Variants in GRID2 observed in about 807,000 individuals in gnomAD.
GRID2 encodes the protein glutamate ionotropic receptor delta type subunit 2, also known as glutamate receptor ionotropic, delta-2.
In GRID2, 33 loss-of-function variants were observed where a neutral mutation model predicts 114.8. The ratio of observed to expected loss-of-function variants is 0.29; its 90% CI spans 0.22 to 0.38. The LOEUF (loss-of-function observed/expected upper bound fraction) is 0.38, where lower values mean the gene tolerates loss of function less well. Ranked by LOEUF, GRID2 falls within the 10% of genes least tolerant of loss-of-function variation. The probability of loss-of-function intolerance (pLI) is 1.00; values close to 1 mark genes in which losing one functional copy is unlikely to be tolerated. For synonymous variants in GRID2, 505 were observed against 449.9 expected (o/e 1.12, Z -1.55); for missense variants, 1,184 against 1,257.7 (o/e 0.94, Z 0.89).
intron 2 of GRID2, among the ~76,000 whole-genome samples, chr4:93,070,019 T>C (rs1040265910): frequency 1.3e-5 from 2 of 152,138 alleles, no homozygotes; most frequent in African/African-American, 4.8e-5. Context: ...TCTGTTAGCC[T>C]AGTGTTTTGA....
chr4:93,606,966 A>C (rs965222712), intron 13 of GRID2, among the ~76,000 whole-genome samples: 4 of 152,184 alleles, frequency 2.6e-5, no homozygotes, highest in African/African-American at 9.6e-5. Flanking sequence ...ACTATGTATA[A>C]ATTAGGCCTT....
At chr4:93,332,824 C>T (rs962602271) in intron 8 of GRID2, among the ~76,000 whole-genome samples, 6 of 152,068 alleles carry the variant, frequency 3.9e-5, no homozygotes, top group African/African-American at 7.2e-5. Flanking sequence ...CCTAATGAGA[C>T]GCCTTTCTTT....
chr4:93,134,777 G>A (rs552065363), intron 4 of GRID2, among the ~76,000 whole-genome samples: 1 of 152,248 alleles, frequency 6.6e-6, no homozygotes, highest in Admixed American at 6.5e-5. Context: ...AATGAAGGAA[G>A]TTGGGTAGTA....
At position 93,024,234 on chromosome 4, in the gene GRID2, G is replaced by A. The variant is rs372336358; in HGVS notation, c.245-60761G>A. 9.2e-5 allele frequency among the ~76,000 whole-genome samples: 14 copies of A among 151,644 alleles called. 1 individual carries two copies. The highest frequency in any genetic ancestry group is 3.4e-4 in the African/African-American group (14 of 41,488). ...AACTCCAAAATGTATTATGCAAACA[G>A]GTTCCAATCAAATGAGGCTTAAATC... On this transcript the variant is annotated intron_variant, in intron 2 of 15. Coordinates refer to ENST00000282020, the MANE Select transcript of GRID2 (RefSeq NM_001510.4).
At chr4:92,430,935 A>G (rs1553933973) in intron 1 of GRID2, among the ~76,000 whole-genome samples, 5 of 152,070 alleles carry the variant, frequency 3.3e-5, no homozygotes, top group Non-Finnish European at 7.4e-5. Context: ...TATGCTGCTG[A>G]ATTTTGTATG....
rs529201848 is a variant in GRID2 at position 93,133,189 on chromosome 4, A to G, written c.735+22236A>G. ...TCTCTCTCTCTCAGATTTTTATATT[A>G]TACTCCTCACTATTTCTGAGCTTTA... On this transcript the variant is annotated intron_variant, in intron 4 of 15. Transcript: ENST00000282020. Among the ~76,000 whole-genome samples, 8 of 152,156 alleles carry G rather than the reference A, an allele frequency of 5.3e-5. No homozygotes were observed. In the South Asian group the frequency reaches 1.5e-3, roughly 28 times the overall value.
At chr4:92,323,289 C>T (rs879863607) in intron 1 of GRID2, among the ~76,000 whole-genome samples, 1 of 152,010 alleles carries the variant, frequency 6.6e-6, no homozygotes, top group Non-Finnish European at 1.5e-5. Flanking sequence ...AGTGTATATA[C>T]ATTTTTAAAA....
intron 1 of GRID2, among the ~76,000 whole-genome samples, chr4:92,384,574 TAAAATATATTATATTATATATAAC>T (rs1729815615): frequency 1.5e-5 from 1 of 65,410 alleles, no homozygotes. Context: ...ATATAATATA[TAAAATATATTATATTATATATAAC>T]ATAATATATA....
intron 8 of GRID2, among the ~76,000 whole-genome samples, chr4:93,250,386 C>T (rs1049555771): frequency 6.6e-6 from 1 of 151,570 alleles, no homozygotes; most frequent in Non-Finnish European, 1.5e-5. Context: ...AGGGGAAATA[C>T]CTAATGTAGA....
At chr4:92,655,670 A>G (rs1404608154) in intron 2 of GRID2, among the ~76,000 whole-genome samples, 1 of 150,172 alleles carries the variant, frequency 6.7e-6, no homozygotes, top group Non-Finnish European at 1.5e-5. Flanking sequence ...ATTTTTTTTC[A>G]TCTACTTCAT....
intron 9 of GRID2, among the ~76,000 whole-genome samples, chr4:93,409,703 A>G (rs1766915326): frequency 6.6e-6 from 1 of 152,204 alleles, no homozygotes; most frequent in Non-Finnish European, 1.5e-5. Context: ...GTATACACAC[A>G]TGCATACCCA....
At chr4:92,946,526 G>A (rs1403838463) in intron 2 of GRID2, among the ~76,000 whole-genome samples, 1 of 151,700 alleles carries the variant, frequency 6.6e-6, no homozygotes, top group Non-Finnish European at 1.5e-5. Flanking sequence ...TTTTATTTAA[G>A]TTGTTTGTTT....
At chr4:93,269,694 T>C (rs1751224489) in intron 8 of GRID2, among the ~76,000 whole-genome samples, 1 of 152,212 alleles carries the variant, frequency 6.6e-6, no homozygotes, top group Admixed American at 6.5e-5. Flanking sequence ...TTGGGAGATT[T>C]AGTCATAAGC....
rs183431606 is a variant in GRID2 at position 93,105,335 on chromosome 4, G to T, written c.530-5413G>T. Among the ~76,000 whole-genome samples the T allele has an allele frequency of 9.4e-3, 1,433 of 152,096 alleles. 16 individuals carry two copies. The highest frequency in any genetic ancestry group is 0.037 in the South Asian group (178 of 4,814). On this transcript the variant is annotated intron_variant, in intron 3 of 15. Transcript: ENST00000282020. ...ACTTAGACCCCATTTGTCAATTTTG[G>T]CTTTTGTTGCCATTGCTTTTGGTGT...
At chr4:92,439,867 G>A (rs1732944547) in intron 1 of GRID2, among the ~76,000 whole-genome samples, 1 of 145,702 alleles carries the variant, frequency 6.9e-6, no homozygotes. Context: ...AGCTGTGATG[G>A]CTTGGAGAAA....
intron 2 of GRID2, among the ~76,000 whole-genome samples, chr4:92,992,920 A>T (rs544148028): frequency 6.6e-6 from 1 of 152,158 alleles, no homozygotes. Context: ...TTTTTCCCAG[A>T]GCTCTGCTAG....
At chr4:93,498,321 A>C (rs1197244735) in intron 12 of GRID2, among the ~76,000 whole-genome samples, 1 of 151,772 alleles carries the variant, frequency 6.6e-6, no homozygotes, top group Non-Finnish European at 1.5e-5. Flanking sequence ...GGCCAAACTC[A>C]TTCCATCAAG....
At chr4:92,964,061 A>G (rs1176883097) in intron 2 of GRID2, among the ~76,000 whole-genome samples, 1 of 152,000 alleles carries the variant, frequency 6.6e-6, no homozygotes, top group East Asian at 1.9e-4. Flanking sequence ...CATGCTGTAA[A>G]CAGATGTGCT....
chr4:93,440,733 T>C (rs768393503), intron 10 of GRID2, among the ~76,000 whole-genome samples: 6 of 152,120 alleles, frequency 3.9e-5, no homozygotes, highest in Non-Finnish European at 7.4e-5. Context: ...AGGAAATAAA[T>C]TATGTAGATG....
Sources: gnomAD v4.1 joint callset for allele counts (sites outside exome capture counted in the v4.1 genomes callset) on GRCh38, gnomAD v4.1.1 for gene constraint, MANE v1.5 for transcripts, NCBI Gene and HGNC (gene_info 2026-07-23, HGNC 2026-07-21) for gene names.